Variants in TRAPPC9 observed in about 807,000 individuals in gnomAD.
The protein encoded by TRAPPC9 is trafficking protein particle complex subunit 9.
A neutral mutation model predicts 124.0 loss-of-function variants in TRAPPC9; 83 were observed. The observed-to-expected ratio is 0.67, with a 90% CI of 0.56 to 0.80. The LOEUF (loss-of-function observed/expected upper bound fraction) is 0.80, where lower values mean the gene tolerates loss of function less well. TRAPPC9 is among the 30% of genes least tolerant of loss of function. The pLI is 0.00. For missense variants in TRAPPC9, 1,302 were observed against 1,508.3 expected (o/e 0.86, Z 2.27); for synonymous variants, 638 against 617.5 (o/e 1.03, Z -0.49).
chr8:140,341,945 A>G (rs1256522645), intron 9 of TRAPPC9, among the ~76,000 whole-genome samples: 1 of 152,256 alleles, frequency 6.6e-6, no homozygotes, highest in Non-Finnish European at 1.5e-5. Flanking sequence ...CTCTGACACT[A>G]TTTCAGCAGA....
intron 17 of TRAPPC9, among the ~76,000 whole-genome samples, chr8:140,161,745 G>A (rs1175034893): frequency 6.6e-6 from 1 of 152,072 alleles, no homozygotes; most frequent in Non-Finnish European, 1.5e-5. Context: ...ATATCACAGG[G>A]CCACAAGAGA....
chr8:140,315,233 CTTT>C (rs61220260), intron 9 of TRAPPC9, among the ~76,000 whole-genome samples: 6 of 107,166 alleles, frequency 5.6e-5, no homozygotes, highest in Admixed American at 3.1e-4. Context: ...ATTTGTATGT[CTTT>C]TTTTTTTTTT....
At chr8:140,284,350 G>T (rs1183224233) in intron 13 of TRAPPC9, among the ~76,000 whole-genome samples, 1 of 152,158 alleles carries the variant, frequency 6.6e-6, no homozygotes, top group Non-Finnish European at 1.5e-5. Context: ...TTGCTTTTCA[G>T]ATTTATCCAT....
At chr8:139,812,465 G>A (rs764692639) in intron 21 of TRAPPC9, among the ~76,000 whole-genome samples, 1 of 152,174 alleles carries the variant, frequency 6.6e-6, no homozygotes, top group Non-Finnish European at 1.5e-5. Flanking sequence ...TATTTTCAAG[G>A]TAAATACCTA....
chr8:140,324,710 C>G (rs2066692631), intron 9 of TRAPPC9, among the ~76,000 whole-genome samples: 1 of 152,182 alleles, frequency 6.6e-6, no homozygotes, highest in Non-Finnish European at 1.5e-5. Context: ...GCAGAGACTG[C>G]AGTAAGCCAC....
Position 139,743,734 on chromosome 8 carries a change from C to T in TRAPPC9, c.3056-11532G>A, listed in dbSNP as rs191903481. ...CTGCCCTTCACCAACACCGGGCCAGCTGTCCTGTGGGGTGGGGGGCAGGCA... is the reference window on the plus strand; with the variant it reads ...CTGCCCTTCACCAACACCGGGCCAGTTGTCCTGTGGGGTGGGGGGCAGGCA... On this transcript the variant is annotated intron_variant, in intron 21 of 22. Transcript: ENST00000438773. 5.3e-5 allele frequency among the ~76,000 whole-genome samples: 8 copies of T among 152,314 alleles called. No individual in the cohort carries two copies. The East Asian group carries it at 1.5e-3, about 29-fold the overall frequency.
chr8:140,360,123 C>T lies in TRAPPC9; in HGVS notation c.1422G>A (p.Met474Ile), dbSNP rs2067900818. The T allele has an allele frequency of 6.2e-7, 1 of 1,614,226 alleles. No homozygotes were observed. Among genetic ancestry groups the T allele is most frequent in the South Asian group, 1.1e-5 (1 of 91,088 alleles). ...GTCTGACAGAGAGGGCAGGGTTCCC[C>T]ATCCTTCGGGAGGCGTAGACCAATT... ...LHELVYASRR[M>I]GNPALSVRHL... The change falls in exon 9 of 23, where the codon ATG (methionine) becomes ATA (isoleucine). Residue 474 changes from methionine to isoleucine, a missense_variant. Around this residue, in one of 3 missense-constraint regions of TRAPPC9, gnomAD observed 657 missense variants for 811.2 expected, o/e 0.81. Transcript: ENST00000438773.
chr8:139,944,239 A>C (rs1834077366), intron 19 of TRAPPC9, among the ~76,000 whole-genome samples: 1 of 152,258 alleles, frequency 6.6e-6, no homozygotes, highest in Admixed American at 6.5e-5. Flanking sequence ...TCTTGGAGTT[A>C]CAGGAAACGA....
At chr8:140,448,685 T>C (rs1189871048) in intron 2 of TRAPPC9, among the ~76,000 whole-genome samples, 1 of 152,164 alleles carries the variant, frequency 6.6e-6, no homozygotes, top group Non-Finnish European at 1.5e-5. Context: ...ACCTGGCAGG[T>C]GGCCGCCAAG....
At chr8:139,838,402 A>C (rs1826496291) in intron 21 of TRAPPC9, among the ~76,000 whole-genome samples, 1 of 152,200 alleles carries the variant, frequency 6.6e-6, no homozygotes, top group Non-Finnish European at 1.5e-5. Flanking sequence ...TCAGAACCCG[A>C]AACACGAACA....
At chr8:140,138,005 T>G (rs548256062) in intron 17 of TRAPPC9, among the ~76,000 whole-genome samples, 1 of 152,178 alleles carries the variant, frequency 6.6e-6, no homozygotes, top group Non-Finnish European at 1.5e-5. Context: ...AAAGCAATAA[T>G]TAAAATAGCA....
intron 21 of TRAPPC9, among the ~76,000 whole-genome samples, chr8:139,801,761 C>G (rs1823547720): frequency 6.6e-6 from 1 of 152,224 alleles, no homozygotes; most frequent in African/African-American, 2.4e-5. Flanking sequence ...GTGTTACCTC[C>G]TTTCTTCCAA....
At chr8:140,313,655 G>A (rs868392802) in intron 9 of TRAPPC9, among the ~76,000 whole-genome samples, 5 of 152,136 alleles carry the variant, frequency 3.3e-5, no homozygotes, top group African/African-American at 7.2e-5. Context: ...CCCCATGAGC[G>A]TAGCAGGGCA....
At chr8:140,407,711 C>T (rs1282553482) in intron 5 of TRAPPC9, among the ~76,000 whole-genome samples, 7 of 152,144 alleles carry the variant, frequency 4.6e-5, no homozygotes, top group African/African-American at 1.4e-4. Flanking sequence ...CCCCCCTCCT[C>T]GCTACAATCA....
chr8:140,202,861 C>A (rs1247950954), intron 17 of TRAPPC9, among the ~76,000 whole-genome samples: 3 of 152,214 alleles, frequency 2.0e-5, no homozygotes, highest in Non-Finnish European at 2.9e-5. Context: ...CGTGTGAATT[C>A]ATCAAGACTT....
intron 17 of TRAPPC9, among the ~76,000 whole-genome samples, chr8:140,140,794 G>A (rs544316365): frequency 4.4e-4 from 67 of 152,146 alleles, no homozygotes; most frequent in African/African-American, 1.5e-3. Flanking sequence ...GTGGTCAAGC[G>A]CCATGTTATC....
chr8:139,950,377 T>C (rs1320915306), intron 19 of TRAPPC9, among the ~76,000 whole-genome samples: 2 of 152,252 alleles, frequency 1.3e-5, no homozygotes, highest in East Asian at 1.9e-4. Flanking sequence ...CAATTAACAA[T>C]GGTTCTCGCG....
upstream of TRAPPC9, chr8:140,458,249 G>C (rs537390472): frequency 1.3e-6 from 2 of 1,551,400 alleles, no homozygotes; most frequent in South Asian, 1.2e-5. Flanking sequence ...GGCGCAGCTG[G>C]AAGGAGGCCC....
At chr8:140,255,212 A>ACATT (rs757968733) in intron 15 of TRAPPC9, among the ~76,000 whole-genome samples, 1 of 152,222 alleles carries the variant, frequency 6.6e-6, no homozygotes, top group Non-Finnish European at 1.5e-5. Flanking sequence ...AAACCACATC[A>ACATT]CATTCATTTA....
Sources: gnomAD v4.1 joint callset for allele counts (sites outside exome capture counted in the v4.1 genomes callset) on GRCh38, gnomAD v4.1.1 for gene constraint, gnomAD v4.1.1 regional missense constraint, MANE v1.5 for transcripts, NCBI Gene and HGNC (gene_info 2026-07-23, HGNC 2026-07-21) for gene names.